SUGP2: variants seen among roughly 807,000 people sequenced by gnomAD.
SUGP2 encodes the protein SURP and G-patch domain containing 2.
In SUGP2, 24 loss-of-function variants were observed where a neutral mutation model predicts 90.5. The ratio of observed to expected loss-of-function variants is 0.27; its 90% CI spans 0.19 to 0.37. SUGP2 has a LOEUF of 0.37. Among genes scored for constraint, SUGP2 ranks in the 10% least tolerant of loss-of-function variants. SUGP2 has a pLI of 1.00. For missense variants in SUGP2, 1,233 were observed against 1,363.3 expected (o/e 0.90, Z 1.51); for synonymous variants, 473 against 513.4 (o/e 0.92, Z 1.06).
chr19:18,997,955 C>T (rs570028698), intron 8 of SUGP2, among the ~76,000 whole-genome samples: 1 of 152,264 alleles, frequency 6.6e-6, no homozygotes, highest in South Asian at 2.1e-4. Flanking sequence ...AAGAAGAACA[C>T]AAGGGCCTTG....
Position 19,010,259 on chromosome 19 carries a change from C to T in SUGP2, c.1934G>A (p.Arg645Gln), listed in dbSNP as rs368974564. 3.4e-5 allele frequency: 55 copies of T among 1,613,922 alleles called. No homozygotes were observed. Among genetic ancestry groups the T allele is most frequent in the Non-Finnish European group, 4.1e-5 (48 of 1,180,028 alleles). ...AEMQRMSENLRGADQKPTSAD... is the reference protein window; with the variant it reads ...AEMQRMSENLQGADQKPTSAD... ...TGAGGTCGGCTTCTGGTCGGCTCCT[C>T]GCAAGTTCTCGCTCATCCGCTGCAT... Residue 645 changes from arginine (R) to glutamine (Q), a missense_variant, in exon 5 of 11, where the codon CGA becomes CAA. Physicochemically the swap from Arg to Gln is conservative, Grantham distance 43. Around this residue, in one of 8 missense-constraint regions of SUGP2, gnomAD observed 540 missense variants for 542.6 expected, o/e 1.00. Transcript: ENST00000452918.
At chr19:19,019,836 A>G (rs539777957) in intron 3 of SUGP2, among the ~76,000 whole-genome samples, 2 of 132,156 alleles carry the variant, frequency 1.5e-5, no homozygotes, top group African/African-American at 6.7e-5. Flanking sequence ...TTCTCCAATT[A>G]AAAAAAAAAA....
chr19:19,005,713 C>T (rs2058036151), intron 6 of SUGP2, among the ~76,000 whole-genome samples: 1 of 152,030 alleles, frequency 6.6e-6, no homozygotes, highest in African/African-American at 2.4e-5. Context: ...CTCACTCTGT[C>T]GTCCAGGCTA....
chr19:19,011,524 C>T (rs548073971), intron 4 of SUGP2, among the ~76,000 whole-genome samples: 1 of 152,166 alleles, frequency 6.6e-6, no homozygotes, highest in Admixed American at 6.6e-5. Flanking sequence ...ATATAATGTT[C>T]TTCTTGCCAC....
At chr19:18,995,324 G>C in intron 8 of SUGP2, 44 bp from the exon 9 acceptor site, 1 of 1,552,514 alleles carries the variant, frequency 6.4e-7, no homozygotes, top group Non-Finnish European at 8.7e-7. Context: ...ACAGGGAGAT[G>C]CCTGGATCAA....
intron 4 of SUGP2, among the ~76,000 whole-genome samples, chr19:19,013,036 G>C (rs1181212015): frequency 2.0e-5 from 3 of 151,842 alleles, no homozygotes; most frequent in East Asian, 1.9e-4. Context: ...GCTAATTTTC[G>C]AATTTTTTTT....
chr19:19,032,108 G>A (rs2059185069), intron 1 of SUGP2, among the ~76,000 whole-genome samples: 1 of 151,808 alleles, frequency 6.6e-6, no homozygotes, highest in Non-Finnish European at 1.5e-5. Context: ...AGTAGGAAGG[G>A]TGGGACCACA....
intron 4 of SUGP2, among the ~76,000 whole-genome samples, chr19:19,010,593 G>A (rs2058272561): frequency 6.6e-6 from 1 of 152,164 alleles, no homozygotes; most frequent in Non-Finnish European, 1.5e-5. Flanking sequence ...CCGTGAGGGA[G>A]CTCCCAGCTC....
intron 3 of SUGP2, among the ~76,000 whole-genome samples, chr19:19,020,622 C>T (rs960352954): frequency 6.6e-6 from 1 of 151,172 alleles, no homozygotes; most frequent in Non-Finnish European, 1.5e-5. Context: ...TTTTTTTGTA[C>T]AGACGAGGCT....
At chr19:19,002,208 C>T (rs994620333) in intron 7 of SUGP2, among the ~76,000 whole-genome samples, 8 of 152,052 alleles carry the variant, frequency 5.3e-5, no homozygotes, top group Admixed American at 4.6e-4. Context: ...GGCGAAACCC[C>T]GTCTCTACTA....
chr19:19,031,006 A>C lies in SUGP2; in HGVS notation c.66T>G (p.Tyr22Ter). The change falls in exon 2 of 11, where the codon TAT becomes TAG. Residue 22 changes from tyrosine to a stop codon, truncating the protein, a stop_gained. Transcript: ENST00000452918. LOFTEE classifies it high-confidence loss of function. ...CAGCCTCACCACTGGCATCCATGTG[A>C]TATCGTTTGGCTTTTTCTTGTAATA... ...DAVLQEKAKRYHMDASGEAVS... is the reference protein window; with the variant it reads ...DAVLQEKAKR 1 of 1,613,896 alleles carries C rather than the reference A, an allele frequency of 6.2e-7. No homozygotes were observed.
rs553405224 is a variant in SUGP2 at position 19,008,712 on chromosome 19, C to A, written c.2339-284G>T. On this transcript the variant is annotated intron_variant, in intron 5 of 10. Coordinates refer to ENST00000452918, the MANE Select transcript of SUGP2 (RefSeq NM_001017392.5). ...TGGAGGACTTGAGTACTTCCACTGT[C>A]TCTCCTGAAGCCCCAACCCCAATTG... Among the ~76,000 whole-genome samples, 3 of 152,342 alleles carry A rather than the reference C, an allele frequency of 2.0e-5. No homozygotes were observed. The East Asian group carries it at 5.8e-4, about 29-fold the overall frequency.
At chr19:19,007,127 G>A (rs745852522) in intron 6 of SUGP2, among the ~76,000 whole-genome samples, 5 of 152,166 alleles carry the variant, frequency 3.3e-5, no homozygotes, top group Non-Finnish European at 5.9e-5. Flanking sequence ...GTCACCCCGG[G>A]GAAAAACCCC....
At chr19:19,003,266 A>G (rs533953618) in intron 7 of SUGP2, among the ~76,000 whole-genome samples, 7 of 152,364 alleles carry the variant, frequency 4.6e-5, no homozygotes, top group African/African-American at 1.7e-4. Flanking sequence ...ATGATGTAGA[A>G]CACACAGGTG....
intron 4 of SUGP2, among the ~76,000 whole-genome samples, chr19:19,013,522 T>A (rs995044962): frequency 6.6e-6 from 1 of 152,184 alleles, no homozygotes; most frequent in Non-Finnish European, 1.5e-5. Flanking sequence ...TATCCAGAAT[T>A]ACCCTTTAGC....
intron 8 of SUGP2, among the ~76,000 whole-genome samples, chr19:18,998,286 T>C (rs1474971585): frequency 1.3e-5 from 2 of 152,242 alleles, no homozygotes; most frequent in Admixed American, 6.5e-5. Context: ...TGAATAAATA[T>C]GTATAACTTT....
At chr19:19,001,501 C>T (rs2057831147) in intron 8 of SUGP2, 112 bp downstream of exon 8, 2 of 1,094,000 alleles carry the variant, frequency 1.8e-6, no homozygotes, top group East Asian at 2.4e-5. Context: ...CACATTAATA[C>T]CTCAGTTTGA....
At chr19:19,021,558 A>G (rs1210115093) in intron 3 of SUGP2, among the ~76,000 whole-genome samples, 1 of 152,222 alleles carries the variant, frequency 6.6e-6, no homozygotes, top group African/African-American at 2.4e-5. Context: ...AAAGTGGGTC[A>G]CAGCTTTGGC....
chr19:19,017,582 G>C (rs561633340), intron 4 of SUGP2, among the ~76,000 whole-genome samples: 18 of 152,096 alleles, frequency 1.2e-4, no homozygotes, highest in Admixed American at 4.6e-4. Flanking sequence ...GACCACCCTG[G>C]GCAACATGGT....
Sources: allele counts gnomAD v4.1 joint callset (sites outside exome capture counted in the v4.1 genomes callset), GRCh38; gene constraint gnomAD v4.1.1; regional missense constraint gnomAD v4.1.1; transcripts MANE v1.5; gene names NCBI Gene and HGNC (gene_info 2026-07-23, HGNC 2026-07-21).